EDIL3: variants seen among roughly 807,000 people sequenced by gnomAD.
EDIL3 encodes EGF like and discoidin domains 3, also known as EGF-like repeat and discoidin I-like domain-containing protein 3.
A neutral mutation model predicts 67.4 loss-of-function variants in EDIL3; 37 were observed. The observed-to-expected ratio is 0.55, with a 90% CI of 0.42 to 0.72. The LOEUF is 0.72. Ranked by LOEUF, EDIL3 falls within the 30% of genes least tolerant of loss-of-function variation. The probability of loss-of-function intolerance (pLI) is 0.00; values close to 1 mark genes in which losing one functional copy is unlikely to be tolerated. For missense variants in EDIL3, 527 were observed against 586.3 expected, an observed-to-expected ratio of 0.90 and a Z score of 1.04; for synonymous variants, 195 against 196.3, an observed-to-expected ratio of 0.99 and a Z score of 0.05.
chr5:84,199,539 C>T (rs939886571), intron 3 of EDIL3, among the ~76,000 whole-genome samples: 1 of 151,908 alleles, frequency 6.6e-6, no homozygotes, highest in Admixed American at 6.6e-5. Flanking sequence ...AGAAGAGAAA[C>T]ATAGAGACCA....
chr5:84,167,444 C>T (rs1748729860), intron 4 of EDIL3, among the ~76,000 whole-genome samples: 1 of 152,078 alleles, frequency 6.6e-6, no homozygotes, highest in Non-Finnish European at 1.5e-5. Context: ...GGTGTACACT[C>T]TCAATTATAA....
intron 1 of EDIL3, among the ~76,000 whole-genome samples, chr5:84,340,564 ATATATATG>A (rs1747089519): frequency 7.7e-6 from 1 of 129,914 alleles, no homozygotes; most frequent in African/African-American, 2.8e-5. Context: ...ATATATATAT[ATATATATG>A]TTAGTCTACA....
Position 84,141,200 on chromosome 5 carries a change from T to C in EDIL3, c.356-3846A>G, listed in dbSNP as rs1302605888. ...CTGATAAAGTAGCCCCCATATGAAA[T>C]AGAAATTTCCATATTTGGTCAGATT... On this transcript the variant is annotated intron_variant, in intron 4 of 10. Transcript: ENST00000296591. 2.0e-5 allele frequency among the ~76,000 whole-genome samples: 3 copies of C among 151,724 alleles called. No individual in the cohort carries two copies. The East Asian group carries it at 5.8e-4, about 29-fold the overall frequency.
In EDIL3 at chr5:83,951,753, A is replaced by G. The variant is rs144752824; in HGVS notation, c.1294-8185T>C. Among the ~76,000 whole-genome samples the G allele has an allele frequency of 6.2e-3, 944 of 151,872 alleles. 12 individuals are homozygous for G. Among genetic ancestry groups the G allele is most frequent in the African/African-American group, 0.022 (894 of 41,524 alleles). Reference sequence around the variant, plus strand: ...TATTTCTTAGATCCTCTGGAATTTGAGAGTATTGGAAAAGAGGAGGAAATA... The same window carrying G: ...TATTTCTTAGATCCTCTGGAATTTGGGAGTATTGGAAAAGAGGAGGAAATA... On this transcript the variant is annotated intron_variant, in intron 10 of 10. Transcript: ENST00000296591.
intron 1 of EDIL3, among the ~76,000 whole-genome samples, chr5:84,331,304 G>T (rs952531226): frequency 6.6e-6 from 1 of 152,150 alleles, no homozygotes; most frequent in Non-Finnish European, 1.5e-5. Context: ...AGATTTGGGA[G>T]GGGCCCAGGG....
intron 9 of EDIL3, among the ~76,000 whole-genome samples, chr5:84,004,681 T>G (rs1580274935): frequency 6.6e-6 from 1 of 152,038 alleles, no homozygotes; most frequent in African/African-American, 2.4e-5. Flanking sequence ...GGGACACAGC[T>G]AAGGTAGTGT....
At chr5:84,078,980 C>G (rs987955395) in intron 6 of EDIL3, among the ~76,000 whole-genome samples, 1 of 152,070 alleles carries the variant, frequency 6.6e-6, no homozygotes, top group Admixed American at 6.5e-5. Context: ...CCACCCCTGC[C>G]CCGTCCTCTA....
rs113559974 is a variant in EDIL3 at position 84,193,090 on chromosome 5, T to C, written c.227-12569A>G. 2.1e-3 allele frequency among the ~76,000 whole-genome samples: 321 copies of C among 152,012 alleles called. 2 individuals are homozygous for C. Among genetic ancestry groups the C allele is most frequent in the African/African-American group, 7.4e-3 (307 of 41,502 alleles). ...CCGGGCAGCCTTCAAAGGCCATGTA[T>C]TTAAGAAAAATAAAACAAAACAAAA... is the stretch of plus-strand genomic sequence containing the variant. On this transcript the variant is annotated intron_variant, in intron 3 of 10. Coordinates refer to ENST00000296591, the MANE Select transcript of EDIL3 (RefSeq NM_005711.5).
At position 83,941,172 on chromosome 5, in the gene EDIL3, T is replaced by C. The variant is rs1451993808; in HGVS notation, c.*2247A>G. On this transcript the variant is annotated 3_prime_UTR_variant, in exon 11 of 11. Transcript: ENST00000296591. ...AATAGTTTTCAACATTTCCATATGG[T>C]GCGACCCCTTTGCTCTCATCAATTT... is the stretch of plus-strand genomic sequence containing the variant. The C allele has an allele frequency of 6.6e-6, 1 of 152,008 alleles. No individual in the cohort carries two copies. The highest frequency in any genetic ancestry group is 1.5e-5 in the Non-Finnish European group (1 of 67,904). The allele number at this position is 152,008 out of a possible 1,614,324, so 9.4% of individuals were successfully genotyped here. A position where few individuals can be genotyped will look rare whatever the true frequency, so the allele number is the denominator to read the frequency against.
chr5:84,185,590 T>A (rs997131191), intron 3 of EDIL3, among the ~76,000 whole-genome samples: 2 of 152,172 alleles, frequency 1.3e-5, no homozygotes, highest in Non-Finnish European at 2.9e-5. Flanking sequence ...TTATATTTGC[T>A]GCCTACACTG....
At chr5:84,228,716 T>C (rs1744500645) in intron 3 of EDIL3, among the ~76,000 whole-genome samples, 1 of 152,194 alleles carries the variant, frequency 6.6e-6, no homozygotes, top group Non-Finnish European at 1.5e-5. Context: ...GATATTTATT[T>C]TGTTTTCTTC....
intron 6 of EDIL3, among the ~76,000 whole-genome samples, chr5:84,070,105 C>T (rs1030485640): frequency 2.6e-5 from 4 of 152,178 alleles, no homozygotes; most frequent in Admixed American, 6.5e-5. Flanking sequence ...CACCTTCCCA[C>T]TCCATACCCT....
At chr5:84,014,591 G>T (rs1012880839) in intron 9 of EDIL3, among the ~76,000 whole-genome samples, 1 of 152,174 alleles carries the variant, frequency 6.6e-6, no homozygotes, top group Non-Finnish European at 1.5e-5. Context: ...GTTGCAGTCA[G>T]CCGAGATCAT....
intron 6 of EDIL3, among the ~76,000 whole-genome samples, chr5:84,075,749 A>G (rs1746841813): frequency 6.6e-6 from 1 of 152,018 alleles, no homozygotes; most frequent in Non-Finnish European, 1.5e-5. Flanking sequence ...TGCTGGGATT[A>G]CAGGTGTGAG....
intron 9 of EDIL3, among the ~76,000 whole-genome samples, chr5:84,019,232 C>T (rs1228480738): frequency 1.2e-4 from 18 of 152,222 alleles, no homozygotes; most frequent in Non-Finnish European, 2.9e-5. Context: ...ATGATGAATT[C>T]ATATCCTTTG....
intron 6 of EDIL3, among the ~76,000 whole-genome samples, chr5:84,094,477 T>C (rs183740645): frequency 1.3e-5 from 2 of 152,126 alleles, no homozygotes; most frequent in African/African-American, 4.8e-5. Context: ...AGATTGTATG[T>C]AATTCAGCTT....
chr5:84,302,160 T>G (rs1016375220), intron 1 of EDIL3, among the ~76,000 whole-genome samples: 3 of 152,222 alleles, frequency 2.0e-5, no homozygotes, highest in African/African-American at 7.2e-5. Flanking sequence ...AAAATTAGTA[T>G]TATCATGGAG....
At chr5:83,977,186 T>C (rs1342099099) in intron 9 of EDIL3, among the ~76,000 whole-genome samples, 2 of 151,848 alleles carry the variant, frequency 1.3e-5, no homozygotes, top group Non-Finnish European at 2.9e-5. Flanking sequence ...GTTTTGCCAA[T>C]TTGTGCTACC....
chr5:84,085,215 C>G (rs77001702), intron 6 of EDIL3, among the ~76,000 whole-genome samples: 1 of 152,060 alleles, frequency 6.6e-6, no homozygotes, highest in Non-Finnish European at 1.5e-5. Flanking sequence ...AGTTTTGCAC[C>G]CTTGCTGGAG....
Sources: allele counts gnomAD v4.1 joint callset (sites outside exome capture counted in the v4.1 genomes callset), GRCh38; gene constraint gnomAD v4.1.1; transcripts MANE v1.5; gene names NCBI Gene and HGNC (gene_info 2026-07-23, HGNC 2026-07-21).